The following ARHGAP12 variants were observed in gnomAD, a reference collection of about 807,000 sequenced individuals.
The protein encoded by ARHGAP12 is rho GTPase-activating protein 12.
A neutral mutation model predicts 108.6 loss-of-function variants in ARHGAP12; 64 were observed. The ratio of observed to expected loss-of-function variants is 0.59; its 90% CI spans 0.48 to 0.73. The LOEUF is 0.73. Ranked by LOEUF, ARHGAP12 falls within the 30% of genes least tolerant of loss-of-function variation. ARHGAP12 has a pLI of 0.00. For missense variants in ARHGAP12, 940 were observed against 1,005.9 expected, an observed-to-expected ratio of 0.93 and a Z score of 0.89; for synonymous variants, 312 against 337.2, an observed-to-expected ratio of 0.93 and a Z score of 0.82.
chr10:31,863,660 A>G (rs1837216395), intron 3 of ARHGAP12, among the ~76,000 whole-genome samples: 1 of 152,136 alleles, frequency 6.6e-6, no homozygotes, highest in Non-Finnish European at 1.5e-5. Flanking sequence ...ATGGAAGAAA[A>G]TATCCTAAAT....
At chr10:31,842,132 AAAG>A (rs1451843430) in intron 7 of ARHGAP12, among the ~76,000 whole-genome samples, 1 of 152,156 alleles carries the variant, frequency 6.6e-6, no homozygotes, top group African/African-American at 2.4e-5. Context: ...ATGTCGAAAA[AAAG>A]AAAAAGGAGT....
intron 16 of ARHGAP12, among the ~76,000 whole-genome samples, chr10:31,809,860 ATTAAGC>A (rs1254029472): frequency 6.6e-6 from 1 of 152,138 alleles, no homozygotes; most frequent in Non-Finnish European, 1.5e-5. Flanking sequence ...AATTCATACA[ATTAAGC>A]CCCGAAATTT....
intron 4 of ARHGAP12, among the ~76,000 whole-genome samples, chr10:31,858,066 T>C (rs1836951066): frequency 6.6e-6 from 1 of 152,078 alleles, no homozygotes; most frequent in African/African-American, 2.4e-5. Flanking sequence ...TAGCCAGGCA[T>C]GGTAGTTCAT....
intron 6 of ARHGAP12, among the ~76,000 whole-genome samples, chr10:31,847,448 A>AC (rs1202662942): frequency 6.6e-6 from 1 of 152,100 alleles, no homozygotes; most frequent in Non-Finnish European, 1.5e-5. Flanking sequence ...TTTGTGTGCT[A>AC]CCCAGAGGCC....
chr10:31,901,226 A>G (rs956240829), intron 3 of ARHGAP12, among the ~76,000 whole-genome samples: 2 of 150,850 alleles, frequency 1.3e-5, no homozygotes, highest in African/African-American at 4.9e-5. Context: ...AAAAAAAAAA[A>G]AGAGAAGAAA....
intron 3 of ARHGAP12, among the ~76,000 whole-genome samples, chr10:31,881,949 C>G (rs1367752317): frequency 3.3e-4 from 49 of 146,356 alleles, no homozygotes; most frequent in Non-Finnish European, 6.2e-4. Context: ...GAGTCTCGCT[C>G]TGTCGCCCAG....
rs1485465419 is a variant in ARHGAP12 at position 31,806,108 on chromosome 10, G to A, written c.*1550C>T. ...AAATCACTCGCTTTCAAATATTGAT[G>A]GAGAAATAAAAAGTGTACGTTGTGG... On this transcript the variant is annotated 3_prime_UTR_variant, in exon 20 of 20. Coordinates refer to ENST00000344936, the MANE Select transcript of ARHGAP12 (RefSeq NM_018287.7). 4 of 152,096 alleles carry A rather than the reference G, an allele frequency of 2.6e-5. No individual in the cohort carries two copies. Among genetic ancestry groups the A allele is most frequent in the Non-Finnish European group, 5.9e-5 (4 of 68,004 alleles). 9.4% of individuals were successfully genotyped at this position (152,096 alleles called of 1,614,324 possible).
chr10:31,810,157 T>C (rs1042059600), intron 16 of ARHGAP12, among the ~76,000 whole-genome samples: 3 of 152,192 alleles, frequency 2.0e-5, no homozygotes, highest in African/African-American at 2.4e-5. Context: ...TATGTTTAAA[T>C]TAATCACAAT....
chr10:31,922,688 A>C (rs1342506712), intron 1 of ARHGAP12, among the ~76,000 whole-genome samples: 1 of 152,166 alleles, frequency 6.6e-6, no homozygotes, highest in Non-Finnish European at 1.5e-5. Flanking sequence ...CACAAAGAAA[A>C]CTGGCCCAGG....
intron 6 of ARHGAP12, among the ~76,000 whole-genome samples, chr10:31,851,029 G>A (rs1474781066): frequency 2.6e-5 from 4 of 151,788 alleles, no homozygotes; most frequent in African/African-American, 7.3e-5. Context: ...TTTCATTCAC[G>A]GTATTTTATG....
intron 3 of ARHGAP12, among the ~76,000 whole-genome samples, chr10:31,895,982 C>T (rs534614103): frequency 1.2e-3 from 178 of 152,022 alleles, no homozygotes; most frequent in African/African-American, 4.1e-3. Flanking sequence ...AGCAAACTAT[C>T]GCAAGCACAA....
intron 1 of ARHGAP12, among the ~76,000 whole-genome samples, 152 bp downstream of exon 1, chr10:31,928,531 C>T (rs1243628816): frequency 1.3e-5 from 2 of 150,646 alleles, no homozygotes; most frequent in Non-Finnish European, 3.0e-5. Context: ...CGCGCACCTC[C>T]GCGGCGCCGC....
intron 3 of ARHGAP12, among the ~76,000 whole-genome samples, chr10:31,894,124 A>G (rs921832489): frequency 4.6e-5 from 7 of 152,230 alleles, no homozygotes; most frequent in Non-Finnish European, 1.0e-4. Context: ...ATCTATGACA[A>G]ACCCACAGCC....
At chr10:31,882,075 C>T (rs1293463660) in intron 3 of ARHGAP12, among the ~76,000 whole-genome samples, 1 of 151,808 alleles carries the variant, frequency 6.6e-6, no homozygotes, top group Admixed American at 6.6e-5. Context: ...CCACTACGCC[C>T]GGCTAATTTT....
intron 11 of ARHGAP12, among the ~76,000 whole-genome samples, chr10:31,825,437 A>G (rs1186953172): frequency 6.6e-6 from 1 of 152,200 alleles, no homozygotes; most frequent in Non-Finnish European, 1.5e-5. Context: ...TTACTTGAGC[A>G]TTAGCACTTC....
chr10:31,831,645 C>T (rs1037696839), intron 10 of ARHGAP12, 94 bp downstream of exon 10: 42 of 729,090 alleles, frequency 5.8e-5, no homozygotes, highest in Non-Finnish European at 8.3e-5. Flanking sequence ...AGAGATTCTT[C>T]AGCACCTATT....
chr10:31,868,047 A>G (rs1456590824), intron 3 of ARHGAP12, among the ~76,000 whole-genome samples: 2 of 152,092 alleles, frequency 1.3e-5, no homozygotes, highest in Non-Finnish European at 2.9e-5. Context: ...TAAAAATACA[A>G]AAATTAGCTG....
At chr10:31,815,077 C>T (rs1008255109) in intron 13 of ARHGAP12, among the ~76,000 whole-genome samples, 6 of 147,522 alleles carry the variant, frequency 4.1e-5, no homozygotes, top group South Asian at 2.1e-4. Flanking sequence ...GCCAAGATCG[C>T]GCCATTGCAG....
intron 1 of ARHGAP12, among the ~76,000 whole-genome samples, chr10:31,924,297 C>T (rs1206351557): frequency 6.6e-6 from 1 of 152,170 alleles, no homozygotes; most frequent in African/African-American, 2.4e-5. Context: ...GGCCTATGAA[C>T]TTGTGAATAC....
Sources: gnomAD v4.1 joint callset for allele counts (sites outside exome capture counted in the v4.1 genomes callset) on GRCh38, gnomAD v4.1.1 for gene constraint, MANE v1.5 for transcripts, NCBI Gene and HGNC (gene_info 2026-07-23, HGNC 2026-07-21) for gene names.